COL18A1: variants seen among roughly 807,000 people sequenced by gnomAD.
The protein encoded by COL18A1 is collagen type XVIII alpha 1 chain.
COL18A1 carries 133 observed loss-of-function variants against 168.0 expected under a neutral mutation model. That is an observed-to-expected ratio of 0.79 (90% confidence interval 0.69 to 0.91). The LOEUF (loss-of-function observed/expected upper bound fraction) is 0.91. COL18A1 is among the 40% of genes least tolerant of loss of function. The probability of loss-of-function intolerance (pLI) is 0.00; values close to 1 mark genes in which losing one functional copy is unlikely to be tolerated. For synonymous variants in COL18A1, 949 were observed against 809.0 expected (o/e 1.17, Z -2.94); for missense variants, 2,126 against 1,925.4 (o/e 1.10, Z -1.95).
intron 15 of COL18A1, among the ~76,000 whole-genome samples, chr21:45,484,921 G>A (rs1170432173): frequency 6.6e-6 from 1 of 152,142 alleles, no homozygotes; most frequent in Non-Finnish European, 1.5e-5. Flanking sequence ...CAAGTAACAT[G>A]AATGAGAATT....
chr21:45,449,750 C>T (rs1383497381), intron 2 of COL18A1, among the ~76,000 whole-genome samples: 6 of 152,300 alleles, frequency 3.9e-5, no homozygotes, highest in Middle Eastern at 3.4e-3. Context: ...TCTCACTGTG[C>T]GGCCACCTCC....
At position 45,498,550 on chromosome 21, in the gene COL18A1, A is replaced by G. The variant is rs954010058; in HGVS notation, c.2683+889A>G. On this transcript the variant is annotated intron_variant, in intron 32 of 41. Coordinates refer to ENST00000651438, the MANE Select transcript of COL18A1 (RefSeq NM_001379500.1). This position sits in a 1 kb window ranked among gnomAD's most constrained non-coding sequence, Gnocchi z 4.5. ...CCATACCTGCTCTTGCTGGGGCTGC[A>G]CTCTGGGGTGGGAAGGGACCAGGCA... The G allele has an allele frequency of 2.8e-6, 2 of 716,724 alleles. No homozygotes were observed. The highest frequency in any genetic ancestry group is 3.5e-5 in the African/African-American group (2 of 57,194). 44.4% of individuals were successfully genotyped at this position (716,724 alleles called of 1,614,324 possible). A position where few individuals can be genotyped will look rare whatever the true frequency, so the allele number is the denominator to read the frequency against.
At chr21:45,415,027 C>T (rs2033402217) in intron 2 of COL18A1, among the ~76,000 whole-genome samples, 1 of 152,168 alleles carries the variant, frequency 6.6e-6, no homozygotes, top group South Asian at 2.1e-4. Flanking sequence ...CAGAGGACCC[C>T]TGCGGGCACC....
At chr21:45,511,340 C>T (rs1241697964) in intron 41 of COL18A1, 114 bp downstream of exon 41, 8 of 696,458 alleles carry the variant, frequency 1.1e-5, no homozygotes, top group Admixed American at 2.0e-5. Context: ...TATACATGCT[C>T]ATTACTTTAA....
At chr21:45,492,434 A>T in intron 22 of COL18A1, 101 bp from the exon 23 acceptor site, 1 of 1,428,934 alleles carries the variant, frequency 7.0e-7, no homozygotes, top group Non-Finnish European at 9.9e-7. Flanking sequence ...TTTTCCTTGA[A>T]TTTCCTGGTT....
At chr21:45,472,372 C>T (rs187446195) in intron 3 of COL18A1, among the ~76,000 whole-genome samples, 1,632 of 152,286 alleles carry the variant, frequency 0.011, 40 homozygotes, top group African/African-American at 0.037. Context: ...TACAGGCGCC[C>T]GCCACCAGGC....
intron 27 of COL18A1, 138 bp from the exon 28 acceptor site, chr21:45,494,724 C>A: frequency 7.6e-7 from 1 of 1,310,758 alleles, no homozygotes; most frequent in Non-Finnish European, 1.1e-6. Context: ...CGGCGTGAGG[C>A]TGCAGTGGGC....
chr21:45,479,694 G>T (rs1159901662), intron 9 of COL18A1, among the ~76,000 whole-genome samples: 1 of 152,114 alleles, frequency 6.6e-6, no homozygotes, highest in Admixed American at 6.5e-5. Context: ...GATGCTGCCC[G>T]CAGCTTCCCC....
At chr21:45,480,328 C>G (rs372001266) in intron 11 of COL18A1, 139 bp from the exon 12 acceptor site, 2 of 1,506,008 alleles carry the variant, frequency 1.3e-6, no homozygotes, top group African/African-American at 1.4e-5. Flanking sequence ...TCAGGCTTCT[C>G]TGGGGGCAGC....
At chr21:45,487,052 A>C (rs1472836406) in intron 16 of COL18A1, 60 bp downstream of exon 16, 1 of 1,435,230 alleles carries the variant, frequency 7.0e-7, no homozygotes, top group Non-Finnish European at 9.2e-7. Context: ...CCCCAGCCCT[A>C]CTACCCCTGG....
intron 2 of COL18A1, among the ~76,000 whole-genome samples, chr21:45,440,908 C>T (rs2034353308): frequency 6.6e-6 from 1 of 152,186 alleles, no homozygotes; most frequent in Non-Finnish European, 1.5e-5. Flanking sequence ...AGGGCTGGAA[C>T]CTGGGGGCAA....
At chr21:45,489,946 ACTTCC>A (rs1490790762) in intron 19 of COL18A1, among the ~76,000 whole-genome samples, 11 of 38,464 alleles carry the variant, frequency 2.9e-4, no homozygotes, top group Non-Finnish European at 3.6e-4. Context: ...CCCCTCCCCC[ACTTCC>A]CCCTGCCCCA....
Position 45,473,725 on chromosome 21 carries a change from C to G in COL18A1, c.652-170C>G, listed in dbSNP as rs2035530538. 6.6e-6 allele frequency among the ~76,000 whole-genome samples: 1 copy of G among 152,184 alleles called. No homozygotes were observed. The highest frequency in any genetic ancestry group is 1.5e-5 in the Non-Finnish European group (1 of 68,028). ...AGGACGCCCCTGGGTCTCACCACTT[C>G]TTCCTACCATGAGGCATACCGCACC... On this transcript the variant is annotated intron_variant, in intron 3 of 41. Coordinates refer to ENST00000651438, the MANE Select transcript of COL18A1 (RefSeq NM_001379500.1). The surrounding 1 kb of genome is among the most constrained non-coding windows in gnomAD (Gnocchi z 4.0).
intron 2 of COL18A1, among the ~76,000 whole-genome samples, chr21:45,446,293 C>T (rs2034504292): frequency 6.6e-6 from 1 of 152,194 alleles, no homozygotes; most frequent in Non-Finnish European, 1.5e-5. Flanking sequence ...GTGTGTCTGT[C>T]CTTGCGCCAC....
chr21:45,511,174 G>T lies in COL18A1; in HGVS notation c.3757G>T (p.Gly1253Trp). ...AGGCTCTGAGGGTCCGCTGAAGCCC[G>T]GGGCACGCATCTTCTCCTTTGACGG... ...FSGSEGPLKP[G>W]ARIFSFDGKD... is the part of the protein sequence containing the mutation. Residue 1253 changes from glycine to tryptophan, a missense_variant, in exon 41 of 42, where the codon GGG becomes TGG. By Grantham distance (184) the Gly-to-Trp change is radical (BLOSUM62 -2). Coordinates refer to ENST00000651438, the MANE Select transcript of COL18A1 (RefSeq NM_001379500.1). The T allele has an allele frequency of 6.2e-7, 1 of 1,600,944 alleles. No homozygotes were observed. The highest frequency in any genetic ancestry group is 8.5e-7 in the Non-Finnish European group (1 of 1,173,818).
intron 32 of COL18A1, among the ~76,000 whole-genome samples, chr21:45,499,938 A>G (rs1275189833): frequency 6.6e-6 from 1 of 152,256 alleles, no homozygotes; most frequent in Non-Finnish European, 1.5e-5. Flanking sequence ...TGCTGTAAGT[A>G]TGACGAGGGT....
chr21:45,474,803 G>GACGTGGACCCACAGGCT (rs1568899770), intron 4 of COL18A1, among the ~76,000 whole-genome samples: 1 of 146,948 alleles, frequency 6.8e-6, no homozygotes, highest in Non-Finnish European at 1.5e-5. Context: ...AGACACCGTG[G>GACGTGGACCCACAGGCT]CTGGACTGTG....
intron 2 of COL18A1, among the ~76,000 whole-genome samples, chr21:45,437,715 C>T (rs1453800421): frequency 1.2e-5 from 1 of 81,694 alleles, no homozygotes; most frequent in African/African-American, 7.9e-5. Flanking sequence ...CTCAGACACA[C>T]AGGCACTCTC....
intron 32 of COL18A1, 70 bp from the exon 33 acceptor site, chr21:45,503,941 G>A (rs1423369050): frequency 3.9e-5 from 61 of 1,575,122 alleles, no homozygotes; most frequent in East Asian, 3.4e-4. Context: ...ACCAGTGCTG[G>A]GGGCTGCAGA....
Sources: allele counts gnomAD v4.1 joint callset (sites outside exome capture counted in the v4.1 genomes callset), GRCh38; gene constraint gnomAD v4.1.1; non-coding constraint Gnocchi (gnomAD v3.1); transcripts MANE v1.5; gene names NCBI Gene and HGNC (gene_info 2026-07-23, HGNC 2026-07-21).